Variants in AMPH observed in about 807,000 individuals in gnomAD.
AMPH encodes amphiphysin (Stiff-Mann syndrome with breast cancer 128kD autoantigen).
A neutral mutation model predicts 99.1 loss-of-function variants in AMPH; 49 were observed. The ratio of observed to expected loss-of-function variants is 0.49; its 90% confidence interval spans 0.39 to 0.63. The LOEUF is 0.63. AMPH is among the 20% of genes least tolerant of loss of function. The probability of loss-of-function intolerance (pLI) is 0.00; values close to 1 mark genes in which losing one functional copy is unlikely to be tolerated. For missense variants in AMPH, 759 were observed against 863.4 expected (o/e 0.88, Z 1.52); for synonymous variants, 314 against 317.3 (o/e 0.99, Z 0.11).
intron 13 of AMPH, 99 bp downstream of exon 13, chr7:38,432,090 A>G (rs779861406): frequency 3.2e-5 from 33 of 1,028,392 alleles, no homozygotes; most frequent in African/African-American, 3.1e-5. Context: ...CATTAAATGT[A>G]TGTGTCTTCT....
chr7:38,413,461 G>T (rs1335189383), intron 17 of AMPH, among the ~76,000 whole-genome samples: 4 of 152,148 alleles, frequency 2.6e-5, no homozygotes, highest in African/African-American at 7.2e-5. Context: ...AGACTGCACT[G>T]TCAACTAACT....
chr7:38,560,951 C>A (rs1174626375), intron 1 of AMPH, among the ~76,000 whole-genome samples: 1 of 152,214 alleles, frequency 6.6e-6, no homozygotes, highest in Admixed American at 6.5e-5. Flanking sequence ...TACTTGTTCT[C>A]TCAAACTTGG....
intron 1 of AMPH, among the ~76,000 whole-genome samples, chr7:38,566,005 G>T (rs1173139291): frequency 6.6e-6 from 1 of 151,654 alleles, no homozygotes; most frequent in East Asian, 1.9e-4. Context: ...ATATTAACAG[G>T]GACCACCTTT....
At chr7:38,391,587 AC>A (rs1332003927) in intron 19 of AMPH, among the ~76,000 whole-genome samples, 160 bp downstream of exon 19, 1 of 152,258 alleles carries the variant, frequency 6.6e-6, no homozygotes, top group Non-Finnish European at 1.5e-5. Flanking sequence ...AAAATCTATT[AC>A]TGTAGTCCTG....
intron 3 of AMPH, among the ~76,000 whole-genome samples, chr7:38,495,654 T>C (rs1282523292): frequency 6.6e-6 from 1 of 151,732 alleles, no homozygotes; most frequent in Non-Finnish European, 1.5e-5. Flanking sequence ...AATGAAACAA[T>C]GCTATTTGAA....
chr7:38,574,260 T>C (rs542387148), intron 1 of AMPH, among the ~76,000 whole-genome samples: 81 of 152,326 alleles, frequency 5.3e-4, no homozygotes, highest in African/African-American at 1.5e-3. Flanking sequence ...GTTATTCCCA[T>C]TGCACACTTA....
chr7:38,437,277 A>T (rs538603861), intron 11 of AMPH, among the ~76,000 whole-genome samples: 35 of 152,270 alleles, frequency 2.3e-4, no homozygotes, highest in African/African-American at 7.2e-4. Flanking sequence ...ATCACAGAAA[A>T]GGGAGTTGGG....
chr7:38,612,658 G>A (rs17171416), intron 1 of AMPH, among the ~76,000 whole-genome samples: 12,176 of 152,202 alleles, frequency 0.08, 808 homozygotes, highest in African/African-American at 0.17. Flanking sequence ...AAAAGGTCCA[G>A]TGGGTCTCTT....
intron 5 of AMPH, among the ~76,000 whole-genome samples, chr7:38,490,035 T>C (rs757216558): frequency 3.9e-5 from 6 of 152,156 alleles, no homozygotes; most frequent in Non-Finnish European, 5.9e-5. Context: ...TCTGAAGTGA[T>C]TACTATTGTG....
intron 1 of AMPH, among the ~76,000 whole-genome samples, chr7:38,614,572 T>C (rs2129067816): frequency 6.6e-6 from 1 of 152,330 alleles, no homozygotes; most frequent in East Asian, 1.9e-4. Flanking sequence ...TTTGCTCTCA[T>C]CTTTCTCAGT....
At chr7:38,567,153 T>A (rs972858094) in intron 1 of AMPH, among the ~76,000 whole-genome samples, 1 of 152,212 alleles carries the variant, frequency 6.6e-6, no homozygotes, top group South Asian at 2.1e-4. Flanking sequence ...TGCTCATCAA[T>A]GATAGACTGG....
At chr7:38,473,130 T>C (rs1407143933) in intron 7 of AMPH, among the ~76,000 whole-genome samples, 1 of 152,214 alleles carries the variant, frequency 6.6e-6, no homozygotes. Context: ...GGGTATTATC[T>C]CATAATTGAA....
At chr7:38,574,665 G>C (rs1274879099) in intron 1 of AMPH, among the ~76,000 whole-genome samples, 2 of 152,160 alleles carry the variant, frequency 1.3e-5, no homozygotes, top group Non-Finnish European at 2.9e-5. Context: ...TCAACATTAT[G>C]TTCATGTGGT....
chr7:38,393,906 A>AAAGAGT, intron 18 of AMPH, 99 bp downstream of exon 18: 1 of 1,134,278 alleles, frequency 8.8e-7, no homozygotes, highest in Non-Finnish European at 1.3e-6. Flanking sequence ...CTACAAACCT[A>AAAGAGT]TTATACATCC....
intron 1 of AMPH, among the ~76,000 whole-genome samples, chr7:38,592,724 C>T (rs867298666): frequency 6.9e-6 from 1 of 145,496 alleles, no homozygotes; most frequent in African/African-American, 2.5e-5. Flanking sequence ...GAGCAAGACT[C>T]CGTCTCAAAA....
chr7:38,597,246 T>A (rs1324785281), intron 1 of AMPH, among the ~76,000 whole-genome samples: 1 of 152,188 alleles, frequency 6.6e-6, no homozygotes, highest in Non-Finnish European at 1.5e-5. Flanking sequence ...TTCATACAAC[T>A]CATGCAGATT....
At chr7:38,406,408 C>G (rs913454997) in intron 17 of AMPH, among the ~76,000 whole-genome samples, 38 of 151,986 alleles carry the variant, frequency 2.5e-4, no homozygotes, top group African/African-American at 8.7e-4. Context: ...AAAAATCTTA[C>G]GAAGGATCAA....
chr7:38,611,651 T>C (rs1793683364), intron 1 of AMPH, among the ~76,000 whole-genome samples: 1 of 152,210 alleles, frequency 6.6e-6, no homozygotes, highest in Non-Finnish European at 1.5e-5. Context: ...TTCTGTACCC[T>C]GGCTGGAACA....
rs748513910 is a variant in AMPH, at chr7:38,476,820, T to G, written c.504+42A>C. On this transcript the variant is annotated intron_variant, in intron 6 of 20. Transcript: ENST00000356264. ...TAAAAAGTAAAGCTGCAACAGGTCA[T>G]AAAATACGGAGAGTGGTATTCACCA... 2.0e-6 allele frequency: 3 copies of G among 1,465,484 alleles called. No homozygotes were observed. The Admixed American group carries it at 5.1e-5, about 25-fold the overall frequency. The allele number at this position is 1,465,484 out of a possible 1,614,324, so 90.8% of individuals were successfully genotyped here.
Sources: gnomAD v4.1 joint callset for allele counts (sites outside exome capture counted in the v4.1 genomes callset) on GRCh38, gnomAD v4.1.1 for gene constraint, MANE v1.5 for transcripts, NCBI Gene and HGNC (gene_info 2026-07-23, HGNC 2026-07-21) for gene names.